Variants in ZNRF3 observed in about 807,000 individuals in gnomAD.
ZNRF3 encodes the protein zinc and ring finger 3, also known as E3 ubiquitin-protein ligase ZNRF3.
In ZNRF3, 23 loss-of-function variants were observed where a neutral mutation model predicts 72.5. The ratio of observed to expected loss-of-function variants is 0.32; its 90% CI spans 0.23 to 0.45. The LOEUF (loss-of-function observed/expected upper bound fraction) is 0.45, where lower values mean the gene tolerates loss of function less well. Ranked by LOEUF, ZNRF3 falls within the 20% of genes least tolerant of loss-of-function variation. The pLI is 1.00. For synonymous variants in ZNRF3, 610 were observed against 545.3 expected (o/e 1.12, Z -1.65); for missense variants, 1,169 against 1,272.1 (o/e 0.92, Z 1.23).
chr22:28,983,919 A>G (rs1482722234), intron 1 of ZNRF3, among the ~76,000 whole-genome samples: 1 of 151,894 alleles, frequency 6.6e-6, no homozygotes, highest in African/African-American at 2.4e-5. Flanking sequence ...AGTGTTATTT[A>G]CTTGTGCAAG....
intron 1 of ZNRF3, among the ~76,000 whole-genome samples, chr22:28,962,585 C>T (rs961984586): frequency 1.3e-5 from 2 of 152,200 alleles, no homozygotes; most frequent in African/African-American, 4.8e-5. Flanking sequence ...ATCATTTCTT[C>T]CATAGTTATA....
At chr22:29,009,646 G>A (rs1167765412) in intron 2 of ZNRF3, among the ~76,000 whole-genome samples, 1 of 152,098 alleles carries the variant, frequency 6.6e-6, no homozygotes, top group Non-Finnish European at 1.5e-5. Context: ...AATCCAAGAA[G>A]ATTTTTATAT....
intron 1 of ZNRF3, among the ~76,000 whole-genome samples, chr22:28,933,746 A>ACTCTCT (rs1288032470): frequency 9.6e-5 from 3 of 31,144 alleles, no homozygotes; most frequent in African/African-American, 3.0e-4. Context: ...ACACACACAC[A>ACTCTCT]CACTCACTCT....
intron 1 of ZNRF3, among the ~76,000 whole-genome samples, chr22:28,896,466 G>T (rs1206833447): frequency 6.6e-6 from 1 of 152,212 alleles, no homozygotes; most frequent in Non-Finnish European, 1.5e-5. Context: ...GTTTCGCCAT[G>T]TTGGCCAGGC....
chr22:28,961,518 TG>T (rs1450077419), intron 1 of ZNRF3, among the ~76,000 whole-genome samples: 1 of 152,126 alleles, frequency 6.6e-6, no homozygotes, highest in Non-Finnish European at 1.5e-5. Context: ...GAAGAATGGA[TG>T]GGGCAGAAGA....
intron 1 of ZNRF3, among the ~76,000 whole-genome samples, chr22:28,976,865 C>T (rs1436467518): frequency 6.6e-6 from 1 of 152,102 alleles, no homozygotes; most frequent in African/African-American, 2.4e-5. Context: ...ATTTAACTTA[C>T]GAGGCATCTT....
At chr22:29,035,769 G>A (rs904806709) in intron 2 of ZNRF3, among the ~76,000 whole-genome samples, 6 of 151,934 alleles carry the variant, frequency 3.9e-5, no homozygotes, top group Admixed American at 3.9e-4. Context: ...TATTAGAGGT[G>A]GGATTTCACC....
intron 1 of ZNRF3, among the ~76,000 whole-genome samples, chr22:28,926,242 G>A (rs1471348317): frequency 6.6e-6 from 1 of 152,224 alleles, no homozygotes; most frequent in African/African-American, 2.4e-5. Context: ...GCAATGGGGT[G>A]GAGGTGCTGC....
At chr22:28,940,789 G>T (rs773196197) in intron 1 of ZNRF3, among the ~76,000 whole-genome samples, 1 of 152,032 alleles carries the variant, frequency 6.6e-6, no homozygotes, top group African/African-American at 2.4e-5. Flanking sequence ...AACCAGTAGG[G>T]ATTTACTCTC....
At chr22:28,945,603 C>G (rs1305247483) in intron 1 of ZNRF3, among the ~76,000 whole-genome samples, 1 of 151,244 alleles carries the variant, frequency 6.6e-6, no homozygotes, top group African/African-American at 2.4e-5. Context: ...GATCTTGGCT[C>G]ACTGCAACCT....
intron 1 of ZNRF3, among the ~76,000 whole-genome samples, chr22:28,890,784 G>A (rs146556199): frequency 1.3e-5 from 2 of 150,680 alleles, no homozygotes; most frequent in Non-Finnish European, 2.9e-5. Flanking sequence ...TTTTGTCAGG[G>A]TCTCACCATG....
chr22:28,982,522 C>T (rs531051806), intron 1 of ZNRF3, among the ~76,000 whole-genome samples: 37 of 147,912 alleles, frequency 2.5e-4, no homozygotes, highest in African/African-American at 7.5e-4. Flanking sequence ...GCTGTGATCA[C>T]GCCACTGCAC....
intron 1 of ZNRF3, among the ~76,000 whole-genome samples, chr22:28,889,711 G>A (rs1021211813): frequency 2.0e-5 from 3 of 152,198 alleles, no homozygotes; most frequent in Non-Finnish European, 4.4e-5. Flanking sequence ...CAGCATCCTT[G>A]GGAGAAGAGA....
At chr22:28,924,419 A>G (rs572745830) in intron 1 of ZNRF3, among the ~76,000 whole-genome samples, 1 of 152,254 alleles carries the variant, frequency 6.6e-6, no homozygotes, top group Non-Finnish European at 1.5e-5. Flanking sequence ...AGGCTTTGGA[A>G]CACACCTGGT....
chr22:28,901,813 T>C (rs2123753328), intron 1 of ZNRF3, among the ~76,000 whole-genome samples: 1 of 151,820 alleles, frequency 6.6e-6, no homozygotes, highest in South Asian at 2.1e-4. Context: ...GCTAATTTTT[T>C]GTATTTTTAG....
chr22:28,885,384 A>G (rs1457271895), intron 1 of ZNRF3, among the ~76,000 whole-genome samples: 2 of 152,172 alleles, frequency 1.3e-5, no homozygotes, highest in Non-Finnish European at 2.9e-5. Context: ...ATAGAAGAGG[A>G]AACTCCTTCA....
rs966400020 is a variant in ZNRF3, at chr22:29,030,596, T to C, written c.427-11899T>C. On this transcript the variant is annotated intron_variant, in intron 2 of 8. Transcript: ENST00000544604. This position sits in a 1 kb window ranked among gnomAD's most constrained non-coding sequence, Gnocchi z 4.2. ...ATGACTTTAATTATGGCGAGAAATA[T>C]CTTCTCCCGGTGGGGAGGGGCGCGG... 6.6e-6 allele frequency among the ~76,000 whole-genome samples: 1 copy of C among 151,960 alleles called. No individual in the cohort carries two copies. The highest frequency in any genetic ancestry group is 2.4e-5 in the African/African-American group (1 of 41,354).
intron 1 of ZNRF3, among the ~76,000 whole-genome samples, chr22:28,932,256 G>A (rs1415589757): frequency 1.3e-5 from 2 of 152,082 alleles, no homozygotes; most frequent in East Asian, 3.9e-4. Context: ...TCTGTCTCCT[G>A]GCCTTGGTTT....
intron 2 of ZNRF3, among the ~76,000 whole-genome samples, chr22:29,036,801 G>T (rs991655146): frequency 6.6e-6 from 1 of 151,968 alleles, no homozygotes; most frequent in African/African-American, 2.4e-5. Context: ...AGAAATACAT[G>T]TATAGTGTGT....
Sources: gnomAD v4.1 joint callset for allele counts (sites outside exome capture counted in the v4.1 genomes callset) on GRCh38, gnomAD v4.1.1 for gene constraint, Gnocchi (gnomAD v3.1) non-coding constraint, MANE v1.5 for transcripts, NCBI Gene and HGNC (gene_info 2026-07-23, HGNC 2026-07-21) for gene names.